PXDNL: variants seen among roughly 807,000 people sequenced by gnomAD.
The protein encoded by PXDNL is probable oxidoreductase PXDNL.
Under a neutral mutation model 150.8 loss-of-function variants are expected in PXDNL, and 145 were observed. The observed-to-expected ratio is 0.96, with a 90% CI of 0.84 to 1.10. The LOEUF (loss-of-function observed/expected upper bound fraction) is 1.10. PXDNL is among the 50% of genes least tolerant of loss of function. The pLI is 0.00. For missense variants in PXDNL, 2,087 were observed against 1,873.9 expected, an observed-to-expected ratio of 1.11 and a Z score of -2.10; for synonymous variants, 757 against 725.7, an observed-to-expected ratio of 1.04 and a Z score of -0.69.
chr8:51,363,945 C>T (rs895448430), intron 19 of PXDNL, among the ~76,000 whole-genome samples: 6 of 152,140 alleles, frequency 3.9e-5, no homozygotes, highest in African/African-American at 4.8e-5. Flanking sequence ...ATTATAGATA[C>T]TATAGTACTG....
chr8:51,537,824 G>A (rs77354897), intron 4 of PXDNL, among the ~76,000 whole-genome samples: 2,663 of 151,858 alleles, frequency 0.018, 81 homozygotes, highest in African/African-American at 0.06. Flanking sequence ...TTTTCATGCG[G>A]TGCCCAAAAA....
At chr8:51,627,109 T>C (rs1814378057) in intron 2 of PXDNL, among the ~76,000 whole-genome samples, 1 of 152,228 alleles carries the variant, frequency 6.6e-6, no homozygotes, top group African/African-American at 2.4e-5. Context: ...TGGTATATTT[T>C]CCTGAAACAA....
intron 17 of PXDNL, among the ~76,000 whole-genome samples, chr8:51,407,188 G>T (rs1035561677): frequency 6.6e-6 from 1 of 151,864 alleles, no homozygotes; most frequent in African/African-American, 2.4e-5. Context: ...CAATCTGCAG[G>T]GTACTCTGAT....
rs141582949 is a variant in PXDNL at position 51,385,383 on chromosome 8, T to C, written c.3558-10652A>G. Among the ~76,000 whole-genome samples the C allele has an allele frequency of 5.6e-4, 85 of 152,168 alleles. 1 individual carries two copies. The highest frequency in any genetic ancestry group is 6.8e-3 in the Middle Eastern group (2 of 294). ...TGTAGGACAATGTCATTAAATGTTA[T>C]GTTTACACACTACATAAGATTAGTT... On this transcript the variant is annotated intron_variant, in intron 17 of 22. Transcript: ENST00000356297.
At position 51,426,620 on chromosome 8, in the gene PXDNL, T is replaced by C. The variant is rs977343675; in HGVS notation, c.1638+26A>G. The C allele has an allele frequency of 3.1e-6, 4 of 1,275,558 alleles. No homozygotes were observed. The Admixed American group carries it at 7.6e-5, about 24-fold the overall frequency. The allele number at this position is 1,275,558 out of a possible 1,614,324, so 79.0% of individuals were successfully genotyped here. On this transcript the variant is annotated intron_variant, in intron 13 of 22. Transcript: ENST00000356297. ...ATACATCTGTCAGTGTTTTTAATAT[T>C]ACTGTACTTTTAGTTGAGATCTTAC...
intron 1 of PXDNL, among the ~76,000 whole-genome samples, chr8:51,656,068 A>T (rs1815143893): frequency 6.6e-6 from 1 of 152,166 alleles, no homozygotes; most frequent in Non-Finnish European, 1.5e-5. Context: ...GCCCAAGGAG[A>T]AGTATATCAG....
intron 4 of PXDNL, among the ~76,000 whole-genome samples, chr8:51,522,907 C>A (rs1414827469): frequency 1.3e-5 from 2 of 151,908 alleles, no homozygotes; most frequent in Non-Finnish European, 2.9e-5. Context: ...ATAGAAGTCT[C>A]TTTCCATTTA....
intron 14 of PXDNL, among the ~76,000 whole-genome samples, chr8:51,418,881 G>A (rs1808871696): frequency 6.6e-6 from 1 of 152,102 alleles, no homozygotes; most frequent in African/African-American, 2.4e-5. Flanking sequence ...TCAAAATGAT[G>A]AAAGGCTGAG....
rs926034155 is a variant in PXDNL at position 51,639,496 on chromosome 8, C to T, written c.236+15193G>A. 2.0e-3 allele frequency among the ~76,000 whole-genome samples: 300 copies of T among 152,006 alleles called. 3 individuals carry two copies. Among genetic ancestry groups the T allele is most frequent in the African/African-American group, 6.8e-3 (281 of 41,472 alleles). On this transcript the variant is annotated intron_variant, in intron 2 of 22. Transcript: ENST00000356297. ...AGAAAAGAGAGAAGAATCAAATAGA[C>T]GCATTAAAAAATGATAAAGGGGATA...
At chr8:51,437,700 A>C (rs1297260786) in intron 12 of PXDNL, among the ~76,000 whole-genome samples, 2 of 152,216 alleles carry the variant, frequency 1.3e-5, no homozygotes, top group African/African-American at 2.4e-5. Flanking sequence ...AAGGTAATAA[A>C]AGCCATCTAT....
intron 3 of PXDNL, among the ~76,000 whole-genome samples, chr8:51,578,011 A>AAG (rs1563471274): frequency 3.1e-4 from 31 of 100,682 alleles, no homozygotes; most frequent in Admixed American, 3.8e-4. Flanking sequence ...GGAAGGAAGG[A>AAG]AGGAAGGAAG....
At chr8:51,437,426 G>A (rs1809434740) in intron 12 of PXDNL, among the ~76,000 whole-genome samples, 1 of 152,110 alleles carries the variant, frequency 6.6e-6, no homozygotes, top group African/African-American at 2.4e-5. Flanking sequence ...GAATATAGAT[G>A]CAAAAATCCT....
rs558423747 is a variant in PXDNL, at chr8:51,579,699, T to C, written c.308+12928A>G. Among the ~76,000 whole-genome samples, 7 of 152,206 alleles carry C rather than the reference T, an allele frequency of 4.6e-5. No individual in the cohort carries two copies. The South Asian group carries it at 1.4e-3, about 31-fold the overall frequency. ...CCACCATAAAGATTTTAATTCTTAA[T>C]AGCCAGAAACTGGAAATAACTCAGA... On this transcript the variant is annotated intron_variant, in intron 3 of 22. Transcript: ENST00000356297.
chr8:51,391,241 C>T (rs1034278614), intron 17 of PXDNL, among the ~76,000 whole-genome samples: 22 of 152,116 alleles, frequency 1.4e-4, no homozygotes, highest in African/African-American at 5.3e-4. Context: ...ATTTATAGTC[C>T]TTTGGGTATA....
At chr8:51,764,780 C>T (rs915371413) in intron 1 of PXDNL, among the ~76,000 whole-genome samples, 2 of 152,188 alleles carry the variant, frequency 1.3e-5, no homozygotes, top group African/African-American at 4.8e-5. Flanking sequence ...GTGTACCCTG[C>T]TGTAGCTGAA....
rs571285224 is a variant in PXDNL at position 51,381,057 on chromosome 8, C to T, written c.3558-6326G>A. Among the ~76,000 whole-genome samples, 43 of 152,158 alleles carry T rather than the reference C, an allele frequency of 2.8e-4. No individual in the cohort carries two copies. In the South Asian group the frequency reaches 8.9e-3, roughly 32 times the overall value. Reference sequence around the variant, plus strand: ...ATGCTTTGTTTATAATTTTTATATACATTTATATGAGATGTTGTCTTGTAA... The same window carrying T: ...ATGCTTTGTTTATAATTTTTATATATATTTATATGAGATGTTGTCTTGTAA... On this transcript the variant is annotated intron_variant, in intron 17 of 22. Transcript: ENST00000356297.
intron 1 of PXDNL, among the ~76,000 whole-genome samples, chr8:51,731,980 G>T (rs1816942775): frequency 1.3e-5 from 2 of 152,146 alleles, no homozygotes; most frequent in African/African-American, 2.4e-5. Flanking sequence ...TTTCCCCATT[G>T]TCTTGGCAAT....
chr8:51,671,630 A>C (rs1462704463), intron 1 of PXDNL, among the ~76,000 whole-genome samples: 2 of 152,198 alleles, frequency 1.3e-5, no homozygotes, highest in Non-Finnish European at 2.9e-5. Context: ...GTTCTTCAGT[A>C]GCCCCAGGCC....
At chr8:51,634,660 G>T (rs1814567040) in intron 2 of PXDNL, among the ~76,000 whole-genome samples, 1 of 152,062 alleles carries the variant, frequency 6.6e-6, no homozygotes, top group Non-Finnish European at 1.5e-5. Flanking sequence ...TCTTTCAGCA[G>T]TGTTTTGTAC....
Sources: gnomAD v4.1 joint callset for allele counts (sites outside exome capture counted in the v4.1 genomes callset) on GRCh38, gnomAD v4.1.1 for gene constraint, MANE v1.5 for transcripts, NCBI Gene and HGNC (gene_info 2026-07-23, HGNC 2026-07-21) for gene names.